TECPR2: variants seen among roughly 807,000 people sequenced by gnomAD.
TECPR2 encodes the protein tectonin beta-propeller repeat-containing protein 2.
A neutral mutation model predicts 138.1 loss-of-function variants in TECPR2; 65 were observed. The observed-to-expected ratio is 0.47, with a 90% confidence interval of 0.39 to 0.58. TECPR2 has a LOEUF of 0.58. Among genes scored for constraint, TECPR2 ranks in the 20% least tolerant of loss-of-function variants. The probability of loss-of-function intolerance (pLI) is 0.00; values close to 1 mark genes in which losing one functional copy is unlikely to be tolerated. For missense variants in TECPR2, 1,553 were observed against 1,824.5 expected, an observed-to-expected ratio of 0.85 and a Z score of 2.71; for synonymous variants, 746 against 749.8, an observed-to-expected ratio of 0.99 and a Z score of 0.08.
At position 102,363,025 on chromosome 14, in the gene TECPR2, G is replaced by A. The variant is rs1887219462; in HGVS notation, c.-164G>A. 7.5e-6 allele frequency: 6 copies of A among 796,678 alleles called. No homozygotes were observed. Among genetic ancestry groups the A allele is most frequent in the South Asian group, 1.9e-5 (1 of 52,946 alleles). 49.4% of individuals were successfully genotyped at this position (796,678 alleles called of 1,614,324 possible). ...CCCGGTGCCGGCCCCGTTGCCCAGG[G>A]AACAGGCTCCCGGCAGCCCCCGCGG... On this transcript the variant is annotated 5_prime_UTR_variant, in exon 1 of 20. Coordinates refer to ENST00000359520, the MANE Select transcript of TECPR2 (RefSeq NM_014844.5).
At chr14:102,459,450 G>A (rs1416472001) in intron 16 of TECPR2, among the ~76,000 whole-genome samples, 1 of 152,180 alleles carries the variant, frequency 6.6e-6, no homozygotes, top group Non-Finnish European at 1.5e-5. Flanking sequence ...GTTGCCATCA[G>A]CCTTCCCAGG....
intron 17 of TECPR2, among the ~76,000 whole-genome samples, chr14:102,494,346 C>G (rs921741056): frequency 6.6e-6 from 1 of 152,104 alleles, no homozygotes; most frequent in African/African-American, 2.4e-5. Flanking sequence ...AGTTCTAGAT[C>G]AGCCTGGCCA....
chr14:102,426,995 G>A (rs1296765866), intron 6 of TECPR2, among the ~76,000 whole-genome samples: 5 of 152,172 alleles, frequency 3.3e-5, no homozygotes, highest in East Asian at 1.9e-4. Flanking sequence ...AAACTGGCCC[G>A]GGGTGGGGGG....
In TECPR2 at chr14:102,419,955, G is replaced by A. The variant is rs1189538458; in HGVS notation, c.639-5024G>A. On this transcript the variant is annotated intron_variant, in intron 5 of 19. Coordinates refer to ENST00000359520, the MANE Select transcript of TECPR2 (RefSeq NM_014844.5). This position sits in a 1 kb window ranked among gnomAD's most constrained non-coding sequence, Gnocchi z 4.8. ...CCAGCAGCCGGTTCTGGAACCCCGC[G>A]ACTAGCACATCTGTTTGGATGGCCA... Among the ~76,000 whole-genome samples, 3 of 152,170 alleles carry A rather than the reference G, an allele frequency of 2.0e-5. No individual in the cohort carries two copies. The highest frequency in any genetic ancestry group is 2.1e-4 in the South Asian group (1 of 4,834).
chr14:102,499,145 G>T lies in TECPR2; in HGVS notation c.*888G>T. 1.4e-6 allele frequency: 1 copy of T among 703,040 alleles called. No homozygotes were observed. The highest frequency in any genetic ancestry group is 2.6e-6 in the Non-Finnish European group (1 of 384,998). 43.6% of individuals were successfully genotyped at this position (703,040 alleles called of 1,614,324 possible). A position where few individuals can be genotyped will look rare whatever the true frequency, so the allele number is the denominator to read the frequency against. On this transcript the variant is annotated 3_prime_UTR_variant, in exon 20 of 20. Transcript: ENST00000359520. ...GCCTGATGGGTGCAAATGGAACCTG[G>T]ATGTGTGCACGTGTGTCCCAGGTAG...
intron 17 of TECPR2, among the ~76,000 whole-genome samples, chr14:102,493,531 T>A (rs1374760001): frequency 3.9e-5 from 6 of 152,226 alleles, no homozygotes; most frequent in Non-Finnish European, 8.8e-5. Flanking sequence ...ATGGATGTGA[T>A]GTATGGAAAG....
At chr14:102,454,851 CAGGA>C (rs982658176) in intron 16 of TECPR2, among the ~76,000 whole-genome samples, 1 of 152,248 alleles carries the variant, frequency 6.6e-6, no homozygotes, top group Non-Finnish European at 1.5e-5. Flanking sequence ...CCAGCCCCTC[CAGGA>C]AGGCTGCTGC....
chr14:102,432,062 G>A lies in TECPR2; in HGVS notation c.1351G>A (p.Asp451Asn). Residue 451 changes from aspartate (D) to asparagine (N), a missense_variant, in exon 8 of 20, where the codon GAC becomes AAC. Physicochemically the swap from Asp to Asn is conservative, Grantham distance 23. Transcript: ENST00000359520. ...GAGATTCAACGCCATCAGCTCAGAG[G>A]ACTTTGACCAGGAGCTTGTCGTGAA... is the stretch of plus-strand genomic sequence containing the variant. ...SQRFNAISSE[D>N]FDQELVVKPI... 1 of 1,612,092 alleles carries A rather than the reference G, an allele frequency of 6.2e-7. No homozygotes were observed. The highest frequency in any genetic ancestry group is 8.5e-7 in the Non-Finnish European group (1 of 1,179,386).
rs913588801 is a variant in TECPR2, at chr14:102,363,065, C to T, written c.-124C>T. ...AGCCCCCGCGGCCCGGAGTCCATCC[C>T]GCCTCCTCCGGCCCGGCGGGGCCGA... On this transcript the variant is annotated 5_prime_UTR_variant, in exon 1 of 20. Transcript: ENST00000359520. 3.8e-6 allele frequency: 2 copies of T among 531,032 alleles called. No homozygotes were observed. The highest frequency in any genetic ancestry group is 6.4e-6 in the Non-Finnish European group (2 of 313,032). 32.9% of individuals were successfully genotyped at this position (531,032 alleles called of 1,614,324 possible).
At chr14:102,393,332 G>A (rs78406371) in intron 2 of TECPR2, among the ~76,000 whole-genome samples, 1,585 of 152,280 alleles carry the variant, frequency 0.01, 30 homozygotes, top group African/African-American at 0.036. Flanking sequence ...CAAAATTAAA[G>A]CCTCATATTC....
At chr14:102,416,999 A>G (rs1889041685) in intron 5 of TECPR2, among the ~76,000 whole-genome samples, 1 of 151,788 alleles carries the variant, frequency 6.6e-6, no homozygotes. Context: ...AATCGAAAAC[A>G]AAAAAACAAA....
Position 102,419,665 on chromosome 14 carries a change from G to T in TECPR2, c.638+4872G>T. 6.6e-6 allele frequency among the ~76,000 whole-genome samples: 1 copy of T among 152,146 alleles called. No individual in the cohort carries two copies. The highest frequency in any genetic ancestry group is 2.1e-4 in the South Asian group (1 of 4,828). On this transcript the variant is annotated intron_variant, in intron 5 of 19. Transcript: ENST00000359520. The surrounding 1 kb of genome is among the most constrained non-coding windows in gnomAD (Gnocchi z 4.8). ...GTAGAAGACGAGGGGTCCTCTTCCCGTCGAGTCCGTGAACCTCTTCAGACC... is the reference window on the plus strand; with the variant it reads ...GTAGAAGACGAGGGGTCCTCTTCCCTTCGAGTCCGTGAACCTCTTCAGACC...
At chr14:102,487,588 C>G (rs1891057455) in intron 17 of TECPR2, among the ~76,000 whole-genome samples, 2 of 152,340 alleles carry the variant, frequency 1.3e-5, no homozygotes, top group Admixed American at 1.3e-4. Flanking sequence ...CTCCCCCAAG[C>G]TGGAGTGCAG....
intron 2 of TECPR2, among the ~76,000 whole-genome samples, chr14:102,403,698 A>G (rs143399169): frequency 6.6e-6 from 1 of 152,344 alleles, no homozygotes; most frequent in African/African-American, 2.4e-5. Context: ...AAGTCAATGC[A>G]CAAAAATCAG....
intron 2 of TECPR2, among the ~76,000 whole-genome samples, chr14:102,403,396 T>C (rs1049633111): frequency 6.6e-6 from 1 of 152,132 alleles, no homozygotes; most frequent in East Asian, 1.9e-4. Flanking sequence ...ATAAAAGCCA[T>C]ATATGAAAAA....
intron 5 of TECPR2, among the ~76,000 whole-genome samples, chr14:102,422,483 A>G (rs1889211449): frequency 2.0e-5 from 3 of 152,258 alleles, no homozygotes; most frequent in South Asian, 4.1e-4. Flanking sequence ...ATTCAGCAGT[A>G]GAAATGAATT....
intron 1 of TECPR2, among the ~76,000 whole-genome samples, chr14:102,364,354 T>A (rs960549530): frequency 1.3e-5 from 2 of 152,216 alleles, no homozygotes; most frequent in Non-Finnish European, 2.9e-5. Context: ...TTAACCTGAC[T>A]TACGTCCCAT....
chr14:102,454,669 A>C (rs988549527), intron 16 of TECPR2, among the ~76,000 whole-genome samples: 2 of 152,188 alleles, frequency 1.3e-5, no homozygotes, highest in Non-Finnish European at 2.9e-5. Flanking sequence ...GCCATTCTCC[A>C]GCAGCTCCTA....
intron 17 of TECPR2, among the ~76,000 whole-genome samples, chr14:102,468,350 G>A (rs560611952): frequency 3.3e-5 from 5 of 150,912 alleles, no homozygotes; most frequent in Non-Finnish European, 7.4e-5. Flanking sequence ...GCCATGCCTG[G>A]CTAATTTTTG....
Sources: gnomAD v4.1 joint callset for allele counts (sites outside exome capture counted in the v4.1 genomes callset) on GRCh38, gnomAD v4.1.1 for gene constraint, Gnocchi (gnomAD v3.1) non-coding constraint, MANE v1.5 for transcripts, NCBI Gene and HGNC (gene_info 2026-07-23, HGNC 2026-07-21) for gene names.